Variants in EBAG9 observed in about 807,000 individuals in gnomAD.
EBAG9 encodes the protein receptor-binding cancer antigen expressed on SiSo cells.
In EBAG9, 16 loss-of-function variants were observed where a neutral mutation model predicts 30.9. The ratio of observed to expected loss-of-function variants is 0.52; its 90% confidence interval spans 0.35 to 0.79. The LOEUF (loss-of-function observed/expected upper bound fraction) is 0.79, where lower values mean the gene tolerates loss of function less well. Ranked by LOEUF, EBAG9 falls within the 30% of genes least tolerant of loss-of-function variation. EBAG9 has a pLI of 0.01. For synonymous variants in EBAG9, 93 were observed against 82.8 expected, an observed-to-expected ratio of 1.12 and a Z score of -0.67; for missense variants, 197 against 242.1, an observed-to-expected ratio of 0.81 and a Z score of 1.24.
intron 1 of EBAG9, among the ~76,000 whole-genome samples, chr8:109,542,539 G>T (rs1412109024): frequency 5.9e-5 from 9 of 152,006 alleles, no homozygotes; most frequent in Admixed American, 5.9e-4. Flanking sequence ...TTCCTTCCCT[G>T]CCAAGTACCA....
chr8:109,555,819 G>T (rs1821587110), intron 4 of EBAG9, among the ~76,000 whole-genome samples: 1 of 152,084 alleles, frequency 6.6e-6, no homozygotes, highest in Non-Finnish European at 1.5e-5. Context: ...TATCAAAATA[G>T]TACATGTACT....
At chr8:109,560,357 A>C (rs1821685905) in intron 5 of EBAG9, among the ~76,000 whole-genome samples, 1 of 152,204 alleles carries the variant, frequency 6.6e-6, no homozygotes, top group African/African-American at 2.4e-5. Flanking sequence ...ATCTCCAGTA[A>C]GTTACATATG....
upstream of EBAG9, chr8:109,539,901 C>CGGGGAG (rs1297562716): frequency 2.0e-5 from 3 of 149,346 alleles, no homozygotes; most frequent in African/African-American, 5.0e-5. Flanking sequence ...GCCGGGCGGG[C>CGGGGAG]GGGGAGGGGG....
intron 4 of EBAG9, among the ~76,000 whole-genome samples, chr8:109,556,326 T>C (rs1821597526): frequency 6.6e-6 from 1 of 152,098 alleles, no homozygotes; most frequent in Non-Finnish European, 1.5e-5. Flanking sequence ...ACATTCTTTG[T>C]TGTTGAGTTG....
At chr8:109,560,522 A>C (rs1371814971) in intron 5 of EBAG9, among the ~76,000 whole-genome samples, 1 of 152,210 alleles carries the variant, frequency 6.6e-6, no homozygotes, top group Admixed American at 6.5e-5. Context: ...GGAGAGAAAG[A>C]AACAAAAGAC....
At chr8:109,543,260 C>T (rs1401028813) in intron 1 of EBAG9, among the ~76,000 whole-genome samples, 1 of 148,576 alleles carries the variant, frequency 6.7e-6, no homozygotes, top group East Asian at 2.0e-4. Flanking sequence ...AGACAGCCTC[C>T]ATATGTACAA....
chr8:109,549,386 G>A (rs1226232220), intron 1 of EBAG9, among the ~76,000 whole-genome samples: 1 of 151,970 alleles, frequency 6.6e-6, no homozygotes, highest in Non-Finnish European at 1.5e-5. Flanking sequence ...TAGTATCAGT[G>A]TAATACTGGC....
Position 109,542,088 on chromosome 8 carries a change from T to C in EBAG9, c.-16+1627T>C, listed in dbSNP as rs368746094. Among the ~76,000 whole-genome samples the C allele has an allele frequency of 1.1e-3, 172 of 152,326 alleles. 1 individual carries two copies. The South Asian group carries it at 0.023, about 20-fold the overall frequency. ...TAATTCAATGAAACAAGGACAATAG[T>C]ATCTATGTCATAAGATGGCTTTTTG... On this transcript the variant is annotated intron_variant, in intron 1 of 6. Coordinates refer to ENST00000337573, the MANE Select transcript of EBAG9 (RefSeq NM_004215.5).
intron 2 of EBAG9, among the ~76,000 whole-genome samples, chr8:109,552,438 T>C (rs1372968231): frequency 2.6e-5 from 4 of 152,034 alleles, no homozygotes; most frequent in Non-Finnish European, 5.9e-5. Flanking sequence ...AGTGTTCAAA[T>C]TACCAGAGAA....
chr8:109,544,515 A>G (rs1821344791), intron 1 of EBAG9, among the ~76,000 whole-genome samples: 1 of 152,188 alleles, frequency 6.6e-6, no homozygotes, highest in Non-Finnish European at 1.5e-5. Context: ...TAGTTTCCTC[A>G]TTTAGAAAAT....
intron 1 of EBAG9, among the ~76,000 whole-genome samples, chr8:109,547,458 T>C (rs984517891): frequency 1.3e-5 from 2 of 152,050 alleles, no homozygotes; most frequent in African/African-American, 4.8e-5. Context: ...TATCATTTAA[T>C]CTACTTATTT....
intron 2 of EBAG9, among the ~76,000 whole-genome samples, chr8:109,552,948 G>T (rs1286331249): frequency 1.3e-5 from 2 of 152,142 alleles, no homozygotes; most frequent in African/African-American, 4.8e-5. Context: ...GGAAAAACAC[G>T]CTTGTATCAT....
chr8:109,544,165 C>A (rs1821337543), intron 1 of EBAG9, among the ~76,000 whole-genome samples: 1 of 151,454 alleles, frequency 6.6e-6, no homozygotes. Context: ...AACTAATTAA[C>A]ATTTCAATTT....
intron 1 of EBAG9, among the ~76,000 whole-genome samples, chr8:109,547,631 C>T (rs908099327): frequency 3.9e-5 from 6 of 151,974 alleles, no homozygotes; most frequent in South Asian, 2.1e-4. Context: ...CAGGTGCCCG[C>T]GACCATGCCC....
chr8:109,550,921 A>G lies in EBAG9; in HGVS notation c.83+14A>G, dbSNP rs369375566. 9 of 1,513,336 alleles carry G rather than the reference A, an allele frequency of 5.9e-6. No homozygotes were observed. Among genetic ancestry groups the G allele is most frequent in the East Asian group, 2.4e-5 (1 of 41,822 alleles). 93.7% of individuals were successfully genotyped at this position (1,513,336 alleles called of 1,614,324 possible). ...ATTAATATGCAGGTAAATAAGTTTT[A>G]TGTTCAAACTAACCTGTTTATCTCC... On this transcript the variant is annotated intron_variant, in intron 2 of 6. Coordinates refer to ENST00000337573, the MANE Select transcript of EBAG9 (RefSeq NM_004215.5).
In EBAG9 at chr8:109,565,761, A is replaced by G. The variant is rs1821813849; in HGVS notation, c.*1202A>G. The G allele has an allele frequency of 6.6e-6, 1 of 152,086 alleles. No individual in the cohort carries two copies. Among genetic ancestry groups the G allele is most frequent in the Non-Finnish European group, 1.5e-5 (1 of 67,966 alleles). The allele number at this position is 152,086 out of a possible 1,614,324, so 9.4% of individuals were successfully genotyped here. Reference sequence around the variant, plus strand: ...TCGGTGAGATTTTGAAATGTCATAGATACTGTACAGGCCAAACCTTACTAA... The same window carrying G: ...TCGGTGAGATTTTGAAATGTCATAGGTACTGTACAGGCCAAACCTTACTAA... On this transcript the variant is annotated 3_prime_UTR_variant, in exon 7 of 7. Coordinates refer to ENST00000337573, the MANE Select transcript of EBAG9 (RefSeq NM_004215.5).
At chr8:109,558,621 G>C (rs1011985842) in intron 5 of EBAG9, among the ~76,000 whole-genome samples, 1 of 151,958 alleles carries the variant, frequency 6.6e-6, no homozygotes, top group Non-Finnish European at 1.5e-5. Flanking sequence ...GGGGTAAATA[G>C]GGTAGATGGA....
chr8:109,543,309 T>C (rs1821316949), intron 1 of EBAG9, among the ~76,000 whole-genome samples: 1 of 152,082 alleles, frequency 6.6e-6, no homozygotes, highest in African/African-American at 2.4e-5. Context: ...TTTAGAGCCC[T>C]GTCTTTGTAC....
At chr8:109,551,574 T>C (rs1821495553) in intron 2 of EBAG9, among the ~76,000 whole-genome samples, 1 of 152,204 alleles carries the variant, frequency 6.6e-6, no homozygotes, top group African/African-American at 2.4e-5. Flanking sequence ...TAGCATCTGT[T>C]GAATACCTCA....
Sources: allele counts gnomAD v4.1 joint callset (sites outside exome capture counted in the v4.1 genomes callset), GRCh38; gene constraint gnomAD v4.1.1; transcripts MANE v1.5; gene names NCBI Gene and HGNC (gene_info 2026-07-23, HGNC 2026-07-21).